Variants in CXADR observed in about 807,000 individuals in gnomAD.
The protein encoded by CXADR is coxsackievirus and adenovirus receptor.
Under a neutral mutation model 40.3 loss-of-function variants are expected in CXADR, and 20 were observed. The ratio of observed to expected loss-of-function variants is 0.50; its 90% CI spans 0.35 to 0.72. CXADR has a LOEUF of 0.72. CXADR is among the 30% of genes least tolerant of loss of function. The pLI, the probability that CXADR is intolerant of heterozygous loss-of-function variation, is 0.01. For missense variants in CXADR, 332 were observed against 449.1 expected (o/e 0.74, Z 2.36); for synonymous variants, 150 against 161.3 (o/e 0.93, Z 0.53).
At chr21:17,592,309 A>G (rs1008146030) in intron 7 of CXADR, among the ~76,000 whole-genome samples, 4 of 151,994 alleles carry the variant, frequency 2.6e-5, no homozygotes, top group Non-Finnish European at 5.9e-5. Flanking sequence ...AGTGCCTTAT[A>G]TAAAATGGCT....
chr21:17,604,301 C>T, the CXADR span: 15 of 246,802 alleles, frequency 6.1e-5, no homozygotes, highest in South Asian at 6.0e-4. Context: ...AAAAATTAGC[C>T]GGGCACAGTG....
At chr21:17,599,027 G>A in the CXADR span, 4 of 466,530 alleles carry the variant, frequency 8.6e-6, no homozygotes, top group South Asian at 1.8e-4. Context: ...GTCTATTTAA[G>A]TATTCATAAA....
intron 7 of CXADR, among the ~76,000 whole-genome samples, chr21:17,587,436 C>T (rs575195668): frequency 2.6e-4 from 39 of 152,324 alleles, no homozygotes; most frequent in African/African-American, 8.4e-4. Context: ...GCCATTCTAA[C>T]TGGTGTGAGA....
the CXADR span, among the ~76,000 whole-genome samples, chr21:17,635,900 G>C: frequency 6.6e-6 from 1 of 152,086 alleles, no homozygotes. Context: ...TAACAATATA[G>C]AGTCATCTAA....
At chr21:17,535,010 G>C (rs769909139) in intron 1 of CXADR, among the ~76,000 whole-genome samples, 3 of 152,036 alleles carry the variant, frequency 2.0e-5, no homozygotes, top group African/African-American at 7.2e-5. Context: ...TCAAACTCTT[G>C]ATTTCAGGTG....
At chr21:17,617,583 T>C in the CXADR span, among the ~76,000 whole-genome samples, 2 of 152,274 alleles carry the variant, frequency 1.3e-5, no homozygotes, top group Non-Finnish European at 2.9e-5. Flanking sequence ...TTTGATTTCC[T>C]GTGCCTATTA....
Position 17,545,072 on chromosome 21 carries a change from GTTTTTTTTTT to G in CXADR, c.44-1939_44-1930del, listed in dbSNP as rs869189508. ...TTTACTCCTAATTTTGCTCTAATGT[GTTTTTTTTTT>G]TTTTTTTTTTTTTTTGGTGGGAGCA... On this transcript the variant is annotated intron_variant, in intron 1 of 6. Coordinates refer to ENST00000284878, the MANE Select transcript of CXADR (RefSeq NM_001338.5). Among the ~76,000 whole-genome samples the G allele has an allele frequency of 5.4e-5, 3 of 55,424 alleles. No homozygotes were observed. In the Admixed American group the frequency reaches 9.2e-4, roughly 17 times the overall value. 36.4% of individuals were successfully genotyped at this position (55,424 alleles called of 152,430 possible). A position where few individuals can be genotyped will look rare whatever the true frequency, so the allele number is the denominator to read the frequency against.
At chr21:17,625,075 A>T in the CXADR span, among the ~76,000 whole-genome samples, 1 of 152,006 alleles carries the variant, frequency 6.6e-6, no homozygotes, top group African/African-American at 2.4e-5. Context: ...TCACTCCTGG[A>T]TTTGCCCTAC....
At chr21:17,586,237 A>G (rs1025315359) in intron 7 of CXADR, among the ~76,000 whole-genome samples, 6 of 151,996 alleles carry the variant, frequency 3.9e-5, no homozygotes, top group Non-Finnish European at 1.5e-5. Flanking sequence ...CTTTAATTAT[A>G]TACAGACCCT....
the CXADR span, among the ~76,000 whole-genome samples, chr21:17,625,316 G>A: frequency 6.6e-6 from 1 of 151,708 alleles, no homozygotes; most frequent in Non-Finnish European, 1.5e-5. Context: ...GGTATCTCCT[G>A]AAGCTCTGAA....
At chr21:17,604,898 C>T in the CXADR span, 1 of 1,614,184 alleles carries the variant, frequency 6.2e-7, no homozygotes, top group African/African-American at 1.3e-5. Flanking sequence ...AGAGAGTGAG[C>T]TCCTTTGGCA....
rs1341301349 is a variant in CXADR at position 17,514,108 on chromosome 21, A to G, written c.43+936A>G. 2.0e-5 allele frequency among the ~76,000 whole-genome samples: 3 copies of G among 152,210 alleles called. 1 individual carries two copies. The highest frequency in any genetic ancestry group is 4.1e-4 in the South Asian group (2 of 4,824). On this transcript the variant is annotated intron_variant, in intron 1 of 6. Coordinates refer to ENST00000284878, the MANE Select transcript of CXADR (RefSeq NM_001338.5). ...TTAACCAACTGATCTTGTTTGTCAA[A>G]CTAAGCACTTGCTGCGTTTTATAAC...
At chr21:17,622,169 A>G in the CXADR span, among the ~76,000 whole-genome samples, 1 of 152,238 alleles carries the variant, frequency 6.6e-6, no homozygotes, top group Non-Finnish European at 1.5e-5. Flanking sequence ...TCACACAGCA[A>G]GTCCTGACAC....
In CXADR at chr21:17,559,070, A is replaced by C. The variant is rs747397147; in HGVS notation, c.510A>C (p.Pro170=). ...GTGAACCAAAAGAAGGTTCACTTCC[A>C]TTACAGTATGAGTGGCAAAAATTGT... The part of the protein sequence containing the change: ...IKCEPKEGSL[P]LQYEWQKLSD... The change falls in exon 4 of 7, where the codon CCA becomes CCC. Residue 170 remains proline (P), a synonymous_variant. Coordinates refer to ENST00000284878, the MANE Select transcript of CXADR (RefSeq NM_001338.5). The C allele has an allele frequency of 6.2e-7, 1 of 1,614,150 alleles. No homozygotes were observed. Among genetic ancestry groups the C allele is most frequent in the Non-Finnish European group, 8.5e-7 (1 of 1,179,990 alleles).
At chr21:17,534,619 G>A (rs2060729886) in intron 1 of CXADR, among the ~76,000 whole-genome samples, 1 of 152,072 alleles carries the variant, frequency 6.6e-6, no homozygotes, top group African/African-American at 2.4e-5. Flanking sequence ...TTTGTATAGA[G>A]TTTAGAGTAT....
intron 1 of CXADR, among the ~76,000 whole-genome samples, chr21:17,524,374 C>A (rs75131905): frequency 1.3e-5 from 2 of 151,158 alleles, no homozygotes; most frequent in Non-Finnish European, 2.9e-5. Flanking sequence ...CCAGCCTGGC[C>A]AACATAGTGA....
the CXADR span, among the ~76,000 whole-genome samples, chr21:17,606,961 A>G: frequency 6.6e-6 from 1 of 152,300 alleles, no homozygotes; most frequent in Non-Finnish European, 1.5e-5. Context: ...CAAGTATCTT[A>G]TTTATATTGC....
intron 1 of CXADR, among the ~76,000 whole-genome samples, chr21:17,516,671 C>T (rs368710880): frequency 6.6e-6 from 1 of 152,070 alleles, no homozygotes; most frequent in Non-Finnish European, 1.5e-5. Context: ...GAATGGGGAT[C>T]CTGGAGCAGG....
chr21:17,626,113 T>C, the CXADR span, among the ~76,000 whole-genome samples: 5 of 152,194 alleles, frequency 3.3e-5, no homozygotes, highest in Non-Finnish European at 7.3e-5. Context: ...TCTTTTCGGT[T>C]TCCTATGCAT....
Sources: gnomAD v4.1 joint callset for allele counts (sites outside exome capture counted in the v4.1 genomes callset) on GRCh38, gnomAD v4.1.1 for gene constraint, MANE v1.5 for transcripts, NCBI Gene and HGNC (gene_info 2026-07-23, HGNC 2026-07-21) for gene names.